The following SNX16 variants were observed in gnomAD, a reference collection of about 807,000 sequenced individuals.
SNX16 encodes sorting nexin-16.
In SNX16, 35 loss-of-function variants were observed where a neutral mutation model predicts 36.7. The observed-to-expected ratio is 0.95, with a 90% CI of 0.73 to 1.27. The LOEUF (loss-of-function observed/expected upper bound fraction) is 1.27, where lower values mean the gene tolerates loss of function less well. Among genes scored for constraint, SNX16 ranks in the 50% most tolerant of loss-of-function variants. The pLI is 0.00. For missense variants in SNX16, 367 were observed against 393.6 expected (o/e 0.93, Z 0.57); for synonymous variants, 134 against 132.0 (o/e 1.02, Z -0.10).
intron 5 of SNX16, among the ~76,000 whole-genome samples, chr8:81,805,793 G>T (rs11994580): frequency 0.25 from 37,507 of 151,602 alleles, 5,154 homozygotes; most frequent in East Asian, 0.37. Flanking sequence ...TGGTGGCGAG[G>T]GCCTGTAGTC....
At chr8:81,836,263 T>C (rs1277412375) in intron 2 of SNX16, among the ~76,000 whole-genome samples, 1 of 152,216 alleles carries the variant, frequency 6.6e-6, no homozygotes, top group East Asian at 1.9e-4. Flanking sequence ...TAATACTTTT[T>C]TCAGTTATGA....
At chr8:81,838,016 CA>C (rs922550102) in intron 2 of SNX16, among the ~76,000 whole-genome samples, 3 of 152,034 alleles carry the variant, frequency 2.0e-5, no homozygotes, top group Admixed American at 1.3e-4. Flanking sequence ...AAAGTCTTAC[CA>C]AAAAAGTAAA....
intron 2 of SNX16, among the ~76,000 whole-genome samples, chr8:81,836,047 C>T (rs1811478941): frequency 6.6e-6 from 1 of 152,206 alleles, no homozygotes; most frequent in Non-Finnish European, 1.5e-5. Flanking sequence ...AGGTCTCTCC[C>T]ACAACACATG....
chr8:81,820,234 TC>T (rs1810674403), intron 4 of SNX16, among the ~76,000 whole-genome samples: 1 of 143,450 alleles, frequency 7.0e-6, no homozygotes, highest in Non-Finnish European at 1.5e-5. Context: ...AGGAGGGATT[TC>T]CCCCCCTTCC....
intron 1 of SNX16, 42 bp from the exon 2 acceptor site, chr8:81,840,124 T>G: frequency 1.0e-6 from 1 of 954,312 alleles, no homozygotes; most frequent in Non-Finnish European, 1.5e-6. Context: ...GTCTTTAATG[T>G]GCAGCAGGAT....
chr8:81,807,301 C>T (rs1331086920), intron 5 of SNX16, among the ~76,000 whole-genome samples: 3 of 151,610 alleles, frequency 2.0e-5, no homozygotes, highest in Non-Finnish European at 4.4e-5. Flanking sequence ...GGCAGATCAC[C>T]TGAGGTCAGG....
At chr8:81,812,448 A>G (rs1284849699) in intron 5 of SNX16, among the ~76,000 whole-genome samples, 1 of 152,098 alleles carries the variant, frequency 6.6e-6, no homozygotes, top group Admixed American at 6.5e-5. Context: ...CATCATGCAC[A>G]TGGAAACAAT....
At chr8:81,841,949 C>A (rs1433396479) in intron 1 of SNX16, 173 bp downstream of exon 1, 1 of 152,112 alleles carries the variant, frequency 6.6e-6, no homozygotes, top group Non-Finnish European at 1.5e-5. Context: ...CCAGCGCCTC[C>A]CAGACGCACA....
At chr8:81,829,273 C>CTAAAAATTTTTATTTTTAAAATTTGTTA (rs146879166) in intron 3 of SNX16, among the ~76,000 whole-genome samples, 157 bp downstream of exon 3, 1 of 150,492 alleles carries the variant, frequency 6.6e-6, no homozygotes, top group South Asian at 2.1e-4. Context: ...CATTTTTATG[C>CTAAAAATTTTTATTTTTAAAATTTGTTA]TAAAAATTTT....
chr8:81,807,966 G>T (rs1810045000), intron 5 of SNX16: 6 of 789,124 alleles, frequency 7.6e-6, no homozygotes, highest in Non-Finnish European at 1.1e-5. Context: ...ATGCCACTGT[G>T]GGGGAGGTGG....
chr8:81,818,394 T>A (rs528824904), intron 4 of SNX16, among the ~76,000 whole-genome samples: 1 of 152,110 alleles, frequency 6.6e-6, no homozygotes, highest in Non-Finnish European at 1.5e-5. Context: ...TGTGAAAAGA[T>A]AGTTCAGGTT....
rs1441206477 is a variant in SNX16 at position 81,842,159 on chromosome 8, C to G, written c.-134G>C. On this transcript the variant is annotated 5_prime_UTR_variant, in exon 1 of 8. Coordinates refer to ENST00000345957, the MANE Select transcript of SNX16 (RefSeq NM_152836.3). ...GGCGATCCCGAACGAGCGCGCTTCC[C>G]GGTGACGGTTAAACCGGACTCTCCT... 1.3e-5 allele frequency: 2 copies of G among 150,562 alleles called. No homozygotes were observed. The highest frequency in any genetic ancestry group is 2.9e-5 in the Non-Finnish European group (2 of 67,810). The allele number at this position is 150,562 out of a possible 1,614,324, so 9.3% of individuals were successfully genotyped here.
intron 3 of SNX16, among the ~76,000 whole-genome samples, chr8:81,827,017 TGTGTTTCTTA>T (rs145005672): frequency 2.0e-5 from 3 of 152,302 alleles, no homozygotes; most frequent in Non-Finnish European, 4.4e-5. Flanking sequence ...ATTTAAACTG[TGTGTTTCTTA>T]GTGTTTGACA....
Position 81,839,691 on chromosome 8 carries a change from T to C in SNX16, c.296A>G (p.Glu99Gly). The C allele has an allele frequency of 6.2e-7, 1 of 1,612,964 alleles. No individual in the cohort carries two copies. The highest frequency in any genetic ancestry group is 8.5e-7 in the Non-Finnish European group (1 of 1,179,476). ...RPRDTEEQNP[E>G]TVNWEDRPST... ...TGGTCTATCTTCCCAATTCACTGTT[T>C]CCGGATTTTGTTCTTCAGTGTCTCT... is the stretch of plus-strand genomic sequence containing the variant. The change falls in exon 2 of 8, where the codon GAA becomes GGA. Residue 99 changes from glutamate to glycine, a missense_variant. Coordinates refer to ENST00000345957, the MANE Select transcript of SNX16 (RefSeq NM_152836.3).
intron 7 of SNX16, 76 bp from the exon 8 acceptor site, chr8:81,801,669 C>T (rs1452144558): frequency 3.7e-6 from 3 of 816,348 alleles, no homozygotes; most frequent in Admixed American, 2.7e-5. Flanking sequence ...TCACTATTAC[C>T]TTTAAAAATC....
At chr8:81,840,104 T>A in intron 1 of SNX16, 22 bp from the exon 2 acceptor site, 1 of 1,228,704 alleles carries the variant, frequency 8.1e-7, no homozygotes, top group Non-Finnish European at 1.1e-6. Context: ...AAGGACATAT[T>A]AAAAGGTTAG....
At chr8:81,829,624 C>A in intron 2 of SNX16, 108 bp from the exon 3 acceptor site, 1 of 401,150 alleles carries the variant, frequency 2.5e-6, no homozygotes, top group Non-Finnish European at 4.3e-6. Context: ...CAGACTATAA[C>A]AATTATTATG....
At chr8:81,816,718 T>C (rs1203688178) in intron 4 of SNX16, among the ~76,000 whole-genome samples, 1 of 152,208 alleles carries the variant, frequency 6.6e-6, no homozygotes, top group Admixed American at 6.5e-5. Context: ...TGGATCTTCA[T>C]TCACAAATGA....
intron 2 of SNX16, among the ~76,000 whole-genome samples, chr8:81,834,478 C>T (rs1811406929): frequency 6.6e-6 from 1 of 152,172 alleles, no homozygotes; most frequent in South Asian, 2.1e-4. Flanking sequence ...CAAAAGTCCA[C>T]AGTCCAAATT....
Sources: gnomAD v4.1 joint callset for allele counts (sites outside exome capture counted in the v4.1 genomes callset) on GRCh38, gnomAD v4.1.1 for gene constraint, MANE v1.5 for transcripts, NCBI Gene and HGNC (gene_info 2026-07-23, HGNC 2026-07-21) for gene names.